RCOR1: variants seen among roughly 807,000 people sequenced by gnomAD.
RCOR1 encodes REST corepressor.
A neutral mutation model predicts 64.0 loss-of-function variants in RCOR1; 12 were observed. That is an observed-to-expected ratio of 0.19 (90% CI 0.12 to 0.30). The LOEUF is 0.30. Ranked by LOEUF, RCOR1 falls within the 10% of genes least tolerant of loss-of-function variation. RCOR1 has a pLI of 1.00. For synonymous variants in RCOR1, 279 were observed against 227.2 expected (o/e 1.23, Z -2.05); for missense variants, 502 against 621.2 (o/e 0.81, Z 2.04).
chr14:102,677,416 C>T (rs540880780), intron 2 of RCOR1, among the ~76,000 whole-genome samples: 2 of 141,734 alleles, frequency 1.4e-5, no homozygotes, highest in African/African-American at 2.7e-5. Context: ...GGGTGGCTGC[C>T]GGACGGAGGG....
chr14:102,650,770 A>G (rs1170795305), intron 2 of RCOR1, among the ~76,000 whole-genome samples: 6 of 152,222 alleles, frequency 3.9e-5, no homozygotes, highest in Non-Finnish European at 7.3e-5. Context: ...AAAGGGATAA[A>G]CATTGAAGTT....
At chr14:102,678,677 A>G (rs552380659) in intron 2 of RCOR1, among the ~76,000 whole-genome samples, 1 of 152,284 alleles carries the variant, frequency 6.6e-6, no homozygotes, top group East Asian at 1.9e-4. Context: ...CATTTGGTAA[A>G]TATAATTATG....
intron 2 of RCOR1, among the ~76,000 whole-genome samples, chr14:102,646,209 T>C (rs1238085632): frequency 1.3e-5 from 2 of 152,174 alleles, no homozygotes; most frequent in Non-Finnish European, 2.9e-5. Flanking sequence ...CCCTGTCTGA[T>C]CACCTTGCAG....
At chr14:102,676,625 G>C (rs1187898425) in intron 2 of RCOR1, among the ~76,000 whole-genome samples, 1 of 88,046 alleles carries the variant, frequency 1.1e-5, no homozygotes, top group African/African-American at 5.0e-5. Context: ...GGCTGGCCAG[G>C]TGGGGGGCTG....
intron 8 of RCOR1, among the ~76,000 whole-genome samples, chr14:102,719,055 G>A (rs1450206389): frequency 6.6e-6 from 1 of 152,064 alleles, no homozygotes; most frequent in Non-Finnish European, 1.5e-5. Flanking sequence ...GCCTCCCAAA[G>A]GGCTGTGATT....
At chr14:102,689,062 T>C (rs1230876332) in intron 3 of RCOR1, among the ~76,000 whole-genome samples, 1 of 152,220 alleles carries the variant, frequency 6.6e-6, no homozygotes, top group East Asian at 1.9e-4. Context: ...TGTGCTTACG[T>C]GTAGACCTAC....
rs768836772 is a variant in RCOR1 at position 102,721,383 on chromosome 14, G to C, written c.1189+6G>C. 5.0e-6 allele frequency: 8 copies of C among 1,611,796 alleles called. No individual in the cohort carries two copies. The East Asian group carries it at 1.6e-4, about 31-fold the overall frequency. On this transcript the variant is annotated splice_donor_region_variant and intron_variant, in intron 10 of 11. Transcript: ENST00000262241. ...GCAGCTTCTCGCCGTACAAGGTAGG[G>C]GGAAGTTCTTCTAAAGAGTTTAGGA...
At chr14:102,670,725 T>A in intron 2 of RCOR1, among the ~76,000 whole-genome samples, 1 of 142,202 alleles carries the variant, frequency 7.0e-6, no homozygotes, top group East Asian at 2.0e-4. Flanking sequence ...GAGCGTGTCT[T>A]AAAATGACAA....
chr14:102,715,372 T>C (rs909212108), intron 8 of RCOR1, among the ~76,000 whole-genome samples: 1 of 148,982 alleles, frequency 6.7e-6, no homozygotes, highest in Non-Finnish European at 1.5e-5. Context: ...CGCCCGGCCC[T>C]GATTTTTTTT....
At chr14:102,635,888 A>C (rs1894224520) in intron 2 of RCOR1, among the ~76,000 whole-genome samples, 1 of 152,124 alleles carries the variant, frequency 6.6e-6, no homozygotes, top group Non-Finnish European at 1.5e-5. Context: ...GTGGGCTATG[A>C]TTGAGCCATT....
chr14:102,592,669 G>C lies in RCOR1; in HGVS notation c.-218G>C, dbSNP rs1849426449. The C allele has an allele frequency of 8.1e-7, 1 of 1,228,472 alleles. No individual in the cohort carries two copies. Among genetic ancestry groups the C allele is most frequent in the Non-Finnish European group, 1.0e-6 (1 of 985,940 alleles). The allele number at this position is 1,228,472 out of a possible 1,614,324, so 76.1% of individuals were successfully genotyped here. A position where few individuals can be genotyped will look rare whatever the true frequency, so the allele number is the denominator to read the frequency against. On this transcript the variant is annotated 5_prime_UTR_variant, in exon 1 of 12. Transcript: ENST00000262241. Reference sequence around the variant, plus strand: ...TAGTTGGTGCCAGTGAAGTGAGGGCGGCGATGAGAGCGAAAGTTGCGCTCG... The same window carrying C: ...TAGTTGGTGCCAGTGAAGTGAGGGCCGCGATGAGAGCGAAAGTTGCGCTCG...
At chr14:102,721,761 G>A (rs566937612) in intron 10 of RCOR1, among the ~76,000 whole-genome samples, 11 of 151,856 alleles carry the variant, frequency 7.2e-5, no homozygotes, top group Non-Finnish European at 1.3e-4. Context: ...ACTTAACCGG[G>A]AACCCTGAGT....
chr14:102,646,787 A>G (rs921759008), intron 2 of RCOR1, among the ~76,000 whole-genome samples: 6 of 152,210 alleles, frequency 3.9e-5, no homozygotes, highest in South Asian at 4.1e-4. Flanking sequence ...TACTAAAGGA[A>G]CTGTCATGAT....
intron 2 of RCOR1, among the ~76,000 whole-genome samples, chr14:102,675,185 C>T (rs1213640953): frequency 3.3e-5 from 5 of 151,036 alleles, no homozygotes; most frequent in Non-Finnish European, 7.4e-5. Context: ...TTTTGATTTA[C>T]ATATAGCAAA....
chr14:102,675,626 A>AT (rs1168654100), intron 2 of RCOR1, among the ~76,000 whole-genome samples: 2 of 152,222 alleles, frequency 1.3e-5, no homozygotes, highest in Non-Finnish European at 2.9e-5. Flanking sequence ...TGGAATTTTC[A>AT]TTTGAATGTT....
chr14:102,657,833 G>A (rs1221915912), intron 2 of RCOR1: 25 of 756,502 alleles, frequency 3.3e-5, no homozygotes, highest in African/African-American at 7.7e-5. Flanking sequence ...GTGAGACTCC[G>A]TCTCAAAAAA....
chr14:102,640,281 T>TA (rs1894340293), intron 2 of RCOR1, among the ~76,000 whole-genome samples: 1 of 152,250 alleles, frequency 6.6e-6, no homozygotes, highest in Admixed American at 6.5e-5. Context: ...GTCATGTTTT[T>TA]AATTAATTGA....
intron 2 of RCOR1, among the ~76,000 whole-genome samples, chr14:102,666,692 T>C (rs563673532): frequency 6.6e-6 from 1 of 152,324 alleles, no homozygotes; most frequent in African/African-American, 2.4e-5. Flanking sequence ...TGTTTCTCAA[T>C]TGGGATTTGT....
At position 102,726,480 on chromosome 14, in the gene RCOR1, G is replaced by C. The variant is rs1472079145; in HGVS notation, c.1432G>C (p.Asp478His). 6.3e-7 allele frequency: 1 copy of C among 1,594,520 alleles called. No individual in the cohort carries two copies. Among genetic ancestry groups the C allele is most frequent in the Non-Finnish European group, 8.5e-7 (1 of 1,176,384 alleles). ...CTCTTGGCCTCAGGCTCCTGTTCTG[G>C]ATGTCAGATATGCATCTGCCTCCTG... ...PEEEDEAPVL[D>H]VRYASAS The change falls in exon 12 of 12, where the codon GAT becomes CAT. Residue 478 changes from aspartate to histidine, a missense_variant. Asp to His is a moderately conservative substitution (Grantham distance 81, BLOSUM62 -1). This residue lies in a region of RCOR1 where 260 missense variants were observed against 416.4 expected (regional missense o/e 0.62). Transcript: ENST00000262241.
Sources: gnomAD v4.1 joint callset for allele counts (sites outside exome capture counted in the v4.1 genomes callset) on GRCh38, gnomAD v4.1.1 for gene constraint, gnomAD v4.1.1 regional missense constraint, MANE v1.5 for transcripts, NCBI Gene and HGNC (gene_info 2026-07-23, HGNC 2026-07-21) for gene names.